The following SUCLG2 variants were observed in gnomAD, a reference collection of about 807,000 sequenced individuals.
The protein encoded by SUCLG2 is succinate--CoA ligase [GDP-forming] subunit beta, mitochondrial.
In SUCLG2, 42 loss-of-function variants were observed where a neutral mutation model predicts 47.9. That is an observed-to-expected ratio of 0.88 (90% CI 0.69 to 1.14). The LOEUF (loss-of-function observed/expected upper bound fraction) is 1.14. SUCLG2 is among the 50% of genes most tolerant of loss of function. The pLI, the probability that SUCLG2 is intolerant of heterozygous loss-of-function variation, is 0.00. For missense variants in SUCLG2, 571 were observed against 525.9 expected (o/e 1.09, Z -0.84); for synonymous variants, 195 against 197.3 (o/e 0.99, Z 0.10).
intron 1 of SUCLG2, among the ~76,000 whole-genome samples, chr3:67,643,735 T>G (rs867478809): frequency 6.6e-6 from 1 of 152,260 alleles, no homozygotes; most frequent in Middle Eastern, 3.4e-3. Context: ...TCCCCAAGCT[T>G]CCTACAAACC....
At position 67,571,419 on chromosome 3, in the gene SUCLG2, GACA is replaced by G. The variant is rs900614468; in HGVS notation, c.226+38033_226+38035del. ...TTTACCGGATGAACCCCAGGTCTGAGACAACAACTCTTGGAGTAGTGAGACAAT... is the reference window on the plus strand; with the variant it reads ...TTTACCGGATGAACCCCAGGTCTGAGACAACTCTTGGAGTAGTGAGACAAT... On this transcript the variant is annotated intron_variant, in intron 2 of 10. Transcript: ENST00000307227. Among the ~76,000 whole-genome samples the G allele has an allele frequency of 1.8e-4, 27 of 152,298 alleles. 1 individual carries two copies. The East Asian group carries it at 3.5e-3, about 20-fold the overall frequency.
chr3:67,375,692 C>T lies in SUCLG2; in HGVS notation c.*52G>A, dbSNP rs1383805098. On this transcript the variant is annotated 3_prime_UTR_variant, in exon 11 of 11. Transcript: ENST00000307227. ...CATTTCTTTCACAATGATGAACCAT[C>T]CCTTTTTACGGAAAAATGGCTTTCT... The T allele has an allele frequency of 1.3e-6, 2 of 1,560,006 alleles. No individual in the cohort carries two copies. The highest frequency in any genetic ancestry group is 1.7e-6 in the Non-Finnish European group (2 of 1,151,600).
At chr3:67,407,697 A>G (rs75696019) in intron 9 of SUCLG2, among the ~76,000 whole-genome samples, 2,397 of 152,308 alleles carry the variant, frequency 0.016, 57 homozygotes, top group African/African-American at 0.054. Context: ...ATGCTAATTT[A>G]GTCCCACTGT....
chr3:67,518,164 C>A, intron 6 of SUCLG2, 83 bp downstream of exon 6: 2 of 1,135,172 alleles, frequency 1.8e-6, no homozygotes, highest in South Asian at 1.5e-5. Context: ...TCCTGGTAAT[C>A]ACAAACACTA....
intron 6 of SUCLG2, among the ~76,000 whole-genome samples, chr3:67,513,734 C>T (rs1040223054): frequency 6.6e-6 from 1 of 152,212 alleles, no homozygotes; most frequent in Non-Finnish European, 1.5e-5. Context: ...CTCATAACCA[C>T]TGCGTACAAA....
intron 5 of SUCLG2, 55 bp from the exon 6 acceptor site, chr3:67,518,391 C>T: frequency 1.3e-6 from 2 of 1,513,546 alleles, no homozygotes; most frequent in Non-Finnish European, 1.8e-6. Context: ...AGAAGATTTA[C>T]AACCTCAAAA....
chr3:67,374,334 T>TA (rs1015446271), downstream of SUCLG2, among the ~76,000 whole-genome samples: 11 of 151,972 alleles, frequency 7.2e-5, no homozygotes, highest in East Asian at 1.9e-4. Context: ...AGTAAGCTGG[T>TA]AAAAAAAACA....
At chr3:67,615,910 C>T (rs1021952598) in intron 1 of SUCLG2, among the ~76,000 whole-genome samples, 1 of 152,094 alleles carries the variant, frequency 6.6e-6, no homozygotes, top group Middle Eastern at 3.4e-3. Context: ...GATCCAAATG[C>T]CCATCAAATA....
chr3:67,400,615 C>G, intron 10 of SUCLG2, 116 bp downstream of exon 10: 2 of 1,446,422 alleles, frequency 1.4e-6, no homozygotes, highest in Non-Finnish European at 1.9e-6. Flanking sequence ...TTTGTTTCAT[C>G]TTACACAATC....
rs963817065 is a variant in SUCLG2, at chr3:67,554,908, TAGA to T, written c.227-25725_227-25723del. ...GTACGTGAGGACAAGTGCTGAGGGGTAGAAGAAGTGTTGTGAAGATACTGGCAG... is the reference window on the plus strand; with the variant it reads ...GTACGTGAGGACAAGTGCTGAGGGGTAGAAGTGTTGTGAAGATACTGGCAG... On this transcript the variant is annotated intron_variant, in intron 2 of 10. Transcript: ENST00000307227. Among the ~76,000 whole-genome samples the T allele has an allele frequency of 5.9e-5, 9 of 151,852 alleles. No individual in the cohort carries two copies. In the South Asian group the frequency reaches 1.3e-3, roughly 21 times the overall value.
chr3:67,545,935 C>T lies in SUCLG2; in HGVS notation c.227-16749G>A, dbSNP rs537567030. Among the ~76,000 whole-genome samples, 58 of 151,084 alleles carry T rather than the reference C, an allele frequency of 3.8e-4. 1 individual carries two copies. The South Asian group carries it at 0.011, about 30-fold the overall frequency. Reference sequence around the variant, plus strand: ...CCACTCCCAAATAAGAATGTATCCACTTAAATCCCTGTGAATTGGAACACT... The same window carrying T: ...CCACTCCCAAATAAGAATGTATCCATTTAAATCCCTGTGAATTGGAACACT... On this transcript the variant is annotated intron_variant, in intron 2 of 10. Transcript: ENST00000307227.
In SUCLG2 at chr3:67,526,891, T is replaced by G. The variant is rs967960009; in HGVS notation, c.417+1241A>C. Among the ~76,000 whole-genome samples, 5 of 152,242 alleles carry G rather than the reference T, an allele frequency of 3.3e-5. No individual in the cohort carries two copies. The East Asian group carries it at 9.7e-4, about 29-fold the overall frequency. ...AAAACCTGTTCATGAATGTCTAGAG[T>G]GGCTTTATTTGTAATAGCCAAAAAC... On this transcript the variant is annotated intron_variant, in intron 4 of 10. Transcript: ENST00000307227.
chr3:67,623,287 T>C (rs140911595), intron 1 of SUCLG2, among the ~76,000 whole-genome samples: 1,589 of 151,952 alleles, frequency 0.01, 14 homozygotes, highest in Admixed American at 0.021. Flanking sequence ...AATCACGAGG[T>C]CAGGACATCG....
intron 1 of SUCLG2, among the ~76,000 whole-genome samples, chr3:67,620,584 C>CAAAAAA (rs71109890): frequency 0.02 from 1,291 of 63,434 alleles, 100 homozygotes; most frequent in African/African-American, 0.063. Flanking sequence ...GACTCCATCT[C>CAAAAAA]AAAAAAAAAA....
At chr3:67,499,501 G>C (rs1235833202) in intron 7 of SUCLG2, among the ~76,000 whole-genome samples, 1 of 152,106 alleles carries the variant, frequency 6.6e-6, no homozygotes, top group African/African-American at 2.4e-5. Context: ...TCTGGAGCTG[G>C]TGGAAATCTC....
chr3:67,646,783 A>G (rs1480494975), intron 1 of SUCLG2, among the ~76,000 whole-genome samples: 2 of 152,182 alleles, frequency 1.3e-5, no homozygotes, highest in Admixed American at 6.5e-5. Flanking sequence ...GTATCCTGGC[A>G]TAATGACTCA....
At chr3:67,627,667 G>A (rs1168027536) in intron 1 of SUCLG2, among the ~76,000 whole-genome samples, 2 of 152,200 alleles carry the variant, frequency 1.3e-5, no homozygotes, top group African/African-American at 4.8e-5. Flanking sequence ...CTAAAGGGCT[G>A]GCAGATAGAG....
At chr3:67,490,097 G>T (rs922217902) in intron 9 of SUCLG2, among the ~76,000 whole-genome samples, 1 of 152,088 alleles carries the variant, frequency 6.6e-6, no homozygotes, top group African/African-American at 2.4e-5. Flanking sequence ...AGCACTTTTG[G>T]TTTGGAGCTG....
intron 9 of SUCLG2, among the ~76,000 whole-genome samples, chr3:67,403,287 T>A (rs1702731845): frequency 1.3e-5 from 2 of 152,162 alleles, no homozygotes; most frequent in Middle Eastern, 3.2e-3. Context: ...CCTCTCCCCA[T>A]CCCAAGATGC....
Sources: gnomAD v4.1 joint callset for allele counts (sites outside exome capture counted in the v4.1 genomes callset) on GRCh38, gnomAD v4.1.1 for gene constraint, MANE v1.5 for transcripts, NCBI Gene and HGNC (gene_info 2026-07-23, HGNC 2026-07-21) for gene names.